PTPA: variants seen among roughly 807,000 people sequenced by gnomAD.
PTPA encodes the protein protein phosphatase 2 phosphatase activator.
A neutral mutation model predicts 43.6 loss-of-function variants in PTPA; 13 were observed. That is an observed-to-expected ratio of 0.30 (90% CI 0.19 to 0.47). The LOEUF is 0.47. PTPA is among the 20% of genes least tolerant of loss of function. The pLI, the probability that PTPA is intolerant of heterozygous loss-of-function variation, is 0.99. For synonymous variants in PTPA, 172 were observed against 158.2 expected, an observed-to-expected ratio of 1.09 and a Z score of -0.66; for missense variants, 329 against 411.9, an observed-to-expected ratio of 0.80 and a Z score of 1.74.
upstream of PTPA, chr9:129,111,184 G>A (rs78459798): frequency 2.7e-6 from 3 of 1,094,500 alleles, no homozygotes; most frequent in African/African-American, 3.3e-5. Context: ...GTGGTACTCC[G>A]GGACAGGAGA....
At chr9:129,144,323 A>G (rs1409098427) in intron 9 of PTPA, among the ~76,000 whole-genome samples, 2 of 152,094 alleles carry the variant, frequency 1.3e-5, no homozygotes, top group African/African-American at 2.4e-5. Context: ...TGACCAACTC[A>G]GGATGGGGGA....
intron 8 of PTPA, among the ~76,000 whole-genome samples, chr9:129,138,882 G>A (rs775191044): frequency 6.6e-6 from 1 of 152,216 alleles, no homozygotes; most frequent in Admixed American, 6.5e-5. Context: ...CTTCATTCCC[G>A]GAGATCTGCT....
intron 1 of PTPA, among the ~76,000 whole-genome samples, chr9:129,119,945 G>A (rs1480160713): frequency 6.6e-6 from 1 of 151,976 alleles, no homozygotes; most frequent in Non-Finnish European, 1.5e-5. Context: ...TAAGGCTCAG[G>A]TGTTGGAGTC....
upstream of PTPA, chr9:129,111,211 T>C (rs1303518671): frequency 5.3e-6 from 6 of 1,125,236 alleles, no homozygotes; most frequent in Non-Finnish European, 4.5e-6. Flanking sequence ...CGGAAAAACA[T>C]GGCTGAGCAC....
chr9:129,117,478 A>C (rs1848954041), intron 1 of PTPA, among the ~76,000 whole-genome samples: 1 of 150,814 alleles, frequency 6.6e-6, no homozygotes. Flanking sequence ...ATCTTGGCTC[A>C]CTGCAACCTC....
rs1034671464 is a variant in PTPA at position 129,140,868 on chromosome 9, GA to G, written c.787-1576del. On this transcript the variant is annotated intron_variant, in intron 8 of 9. Coordinates refer to ENST00000393370, the MANE Select transcript of PTPA (RefSeq NM_178000.3). ...AGGGCAGTTGAAACAAAGCTCCCCA[GA>G]GGTGAGGCCCCTGTAGGCTCGGGGT... Among the ~76,000 whole-genome samples the G allele has an allele frequency of 1.8e-4, 27 of 152,300 alleles. No individual in the cohort carries two copies. In the East Asian group the frequency reaches 5.0e-3, roughly 28 times the overall value.
chr9:129,140,864 C>T (rs960732741), intron 8 of PTPA, among the ~76,000 whole-genome samples: 1 of 152,108 alleles, frequency 6.6e-6, no homozygotes, highest in East Asian at 1.9e-4. Context: ...AACAAAGCTC[C>T]CCAGAGGTGA....
At chr9:129,123,690 T>C (rs1849400892) in intron 3 of PTPA, among the ~76,000 whole-genome samples, 1 of 152,058 alleles carries the variant, frequency 6.6e-6, no homozygotes, top group Non-Finnish European at 1.5e-5. Context: ...TCTTTCTTTT[T>C]TTTTTATTTT....
rs142439827 is a variant in PTPA at position 129,129,747 on chromosome 9, G to T, written c.342+637G>T. ...GCCTCCCAAAGTGCTGGGATTACAG[G>T]TGTGAGCCACCACGCTCGGCCCCAA... On this transcript the variant is annotated intron_variant, in intron 4 of 9. Coordinates refer to ENST00000393370, the MANE Select transcript of PTPA (RefSeq NM_178000.3). 5.1e-3 allele frequency among the ~76,000 whole-genome samples: 774 copies of T among 152,262 alleles called. 5 individuals are homozygous for T. The highest frequency in any genetic ancestry group is 0.017 in the African/African-American group (719 of 41,552).
At chr9:129,138,806 G>C (rs1850557753) in intron 8 of PTPA, among the ~76,000 whole-genome samples, 1 of 152,228 alleles carries the variant, frequency 6.6e-6, no homozygotes, top group Non-Finnish European at 1.5e-5. Flanking sequence ...CCAGAGGCCA[G>C]AGGGGAATGA....
At chr9:129,112,535 C>T (rs563400166) in intron 1 of PTPA, among the ~76,000 whole-genome samples, 1 of 152,344 alleles carries the variant, frequency 6.6e-6, no homozygotes, top group East Asian at 1.9e-4. Flanking sequence ...TCAGAAAAGG[C>T]ATCCCCTCCA....
rs1413485986 is a variant in PTPA at position 129,148,940 on chromosome 9, C to T, written c.*1476C>T. On this transcript the variant is annotated 3_prime_UTR_variant, in exon 10 of 10. Coordinates refer to ENST00000393370, the MANE Select transcript of PTPA (RefSeq NM_178000.3). ...TTCAGATTAAAGCCTCTGTTTTGCA[C>T]CTGTCACTTGTGTGAGGTATGTCTT... The T allele has an allele frequency of 1.3e-5, 2 of 152,328 alleles. No individual in the cohort carries two copies. The highest frequency in any genetic ancestry group is 2.9e-5 in the Non-Finnish European group (2 of 68,078). 9.4% of individuals were successfully genotyped at this position (152,328 alleles called of 1,614,324 possible).
chr9:129,143,429 C>T (rs1450685489), intron 9 of PTPA: 9 of 702,900 alleles, frequency 1.3e-5, no homozygotes, highest in Non-Finnish European at 2.1e-5. Context: ...GGCACCATCT[C>T]TTGACTCCTG....
chr9:129,144,045 A>G (rs987510135), intron 9 of PTPA, among the ~76,000 whole-genome samples: 4 of 151,562 alleles, frequency 2.6e-5, no homozygotes, highest in Non-Finnish European at 5.9e-5. Context: ...TGTCTTCTCT[A>G]CAAGCCTCTT....
intron 5 of PTPA, among the ~76,000 whole-genome samples, chr9:129,132,741 C>T (rs1345800450): frequency 2.6e-5 from 4 of 152,230 alleles, no homozygotes; most frequent in African/African-American, 9.6e-5. Flanking sequence ...CTCCACCCAC[C>T]TTGGCCTCCC....
At position 129,114,969 on chromosome 9, in the gene PTPA, C is replaced by T. The variant is rs72760516; in HGVS notation, c.31+3338C>T. Among the ~76,000 whole-genome samples the T allele has an allele frequency of 8.0e-3, 1,211 of 152,226 alleles. 11 individuals are homozygous for T. Among genetic ancestry groups the T allele is most frequent in the South Asian group, 0.039 (189 of 4,820 alleles). ...AAGGCTCTCTTCCTGTGAAATATCC[C>T]GGTTAAATAATGTCAGGAGTGCCAT... On this transcript the variant is annotated intron_variant, in intron 1 of 9. Coordinates refer to ENST00000393370, the MANE Select transcript of PTPA (RefSeq NM_178000.3).
intron 5 of PTPA, among the ~76,000 whole-genome samples, chr9:129,132,303 T>A (rs557336505): frequency 6.6e-6 from 1 of 152,130 alleles, no homozygotes; most frequent in African/African-American, 2.4e-5. Flanking sequence ...ATCTCTTTTT[T>A]AAAAATTTAT....
upstream of PTPA, chr9:129,111,376 G>C (rs1848464763): frequency 8.2e-7 from 1 of 1,212,790 alleles, no homozygotes; most frequent in Non-Finnish European, 1.0e-6. Flanking sequence ...CGTCCGCCGC[G>C]CGCCGGCCGT....
At chr9:129,130,857 A>C (rs1849913829) in intron 4 of PTPA, among the ~76,000 whole-genome samples, 1 of 152,078 alleles carries the variant, frequency 6.6e-6, no homozygotes, top group Non-Finnish European at 1.5e-5. Context: ...TTCCCAATTG[A>C]TATCGCCCAG....
Sources: gnomAD v4.1 joint callset for allele counts (sites outside exome capture counted in the v4.1 genomes callset) on GRCh38, gnomAD v4.1.1 for gene constraint, MANE v1.5 for transcripts, NCBI Gene and HGNC (gene_info 2026-07-23, HGNC 2026-07-21) for gene names.